CCDC91: variants seen among roughly 807,000 people sequenced by gnomAD.
The protein encoded by CCDC91 is coiled-coil domain-containing protein 91.
Under a neutral mutation model 63.2 loss-of-function variants are expected in CCDC91, and 48 were observed. The observed-to-expected ratio is 0.76, with a 90% CI of 0.60 to 0.97. The LOEUF is 0.97. CCDC91 is among the 50% of genes least tolerant of loss of function. The probability of loss-of-function intolerance (pLI) is 0.00; values close to 1 mark genes in which losing one functional copy is unlikely to be tolerated. For missense variants in CCDC91, 500 were observed against 494.6 expected (o/e 1.01, Z -0.10); for synonymous variants, 167 against 165.8 (o/e 1.01, Z -0.06).
At chr12:28,204,883 G>T (rs1436717327) in intron 1 of CCDC91, among the ~76,000 whole-genome samples, 1 of 152,080 alleles carries the variant, frequency 6.6e-6, no homozygotes, top group Non-Finnish European at 1.5e-5. Context: ...ATACTTATAC[G>T]CAATTATAGG....
chr12:28,502,749 A>G (rs1423704980), intron 12 of CCDC91, among the ~76,000 whole-genome samples: 7 of 151,250 alleles, frequency 4.6e-5, no homozygotes, highest in Non-Finnish European at 8.9e-5. Context: ...AGATCAATGG[A>G]ACAGAACAGA....
intron 12 of CCDC91, among the ~76,000 whole-genome samples, chr12:28,532,989 C>G (rs73087967): frequency 6.6e-6 from 1 of 151,988 alleles, no homozygotes; most frequent in Non-Finnish European, 1.5e-5. Flanking sequence ...TCAAAACTTA[C>G]GGGTTAGTAG....
At chr12:28,443,528 T>TAGA (rs1203397363) in intron 8 of CCDC91, among the ~76,000 whole-genome samples, 1 of 152,056 alleles carries the variant, frequency 6.6e-6, no homozygotes, top group Non-Finnish European at 1.5e-5. Flanking sequence ...TGAGAGCCTC[T>TAGA]AGAGGGTAAA....
chr12:28,502,536 C>G (rs1388556785), intron 12 of CCDC91, among the ~76,000 whole-genome samples: 10 of 149,546 alleles, frequency 6.7e-5, no homozygotes, highest in East Asian at 5.9e-4. Flanking sequence ...CAATGCCATC[C>G]CCATCAAGCT....
At chr12:28,207,082 G>A (rs9645745) in intron 1 of CCDC91, among the ~76,000 whole-genome samples, 39,702 of 152,126 alleles carry the variant, frequency 0.26, 5,447 homozygotes, top group Non-Finnish European at 0.31. Flanking sequence ...CTTCACAAAT[G>A]AAAGTATATC....
chr12:28,315,325 C>G (rs1167738186), intron 6 of CCDC91, among the ~76,000 whole-genome samples: 1 of 151,704 alleles, frequency 6.6e-6, no homozygotes, highest in Non-Finnish European at 1.5e-5. Flanking sequence ...ACCACCACAC[C>G]CGGCTAATTT....
chr12:28,401,588 T>C (rs1373920967), intron 8 of CCDC91, among the ~76,000 whole-genome samples: 1 of 152,138 alleles, frequency 6.6e-6, no homozygotes, highest in Non-Finnish European at 1.5e-5. Flanking sequence ...AAGCCTCTTA[T>C]AAAACCATCA....
intron 1 of CCDC91, among the ~76,000 whole-genome samples, chr12:28,228,413 G>T (rs1422241487): frequency 6.6e-6 from 1 of 151,980 alleles, no homozygotes; most frequent in Non-Finnish European, 1.5e-5. Flanking sequence ...AGGACATAAG[G>T]ACTTAATTTA....
rs2137534071 is a variant in CCDC91, at chr12:28,325,798, G to A, written c.576+18049G>A. 1.3e-5 allele frequency among the ~76,000 whole-genome samples: 2 copies of A among 151,966 alleles called. 1 individual carries two copies. The highest frequency in any genetic ancestry group is 4.2e-4 in the South Asian group (2 of 4,818). ...TGAAGTTATTTAATGATAGAGGTAG[G>A]GCAAGGGGGTGGGGAGGGCTTAATG... On this transcript the variant is annotated intron_variant, in intron 6 of 12. Coordinates refer to ENST00000536442, the MANE Select transcript of CCDC91 (RefSeq NM_018318.5).
chr12:28,356,393 C>T (rs1943529702), intron 6 of CCDC91, among the ~76,000 whole-genome samples: 1 of 152,076 alleles, frequency 6.6e-6, no homozygotes, highest in Non-Finnish European at 1.5e-5. Flanking sequence ...TTGCACTACT[C>T]TGGCATTTAT....
At chr12:28,254,172 G>T (rs879719055) in intron 1 of CCDC91, among the ~76,000 whole-genome samples, 5 of 152,172 alleles carry the variant, frequency 3.3e-5, no homozygotes, top group Non-Finnish European at 7.4e-5. Context: ...GGCAAAAAAA[G>T]AGATTAAATT....
At chr12:28,451,403 G>A (rs755505994) in intron 10 of CCDC91, among the ~76,000 whole-genome samples, 4 of 151,440 alleles carry the variant, frequency 2.6e-5, no homozygotes, top group Admixed American at 2.6e-4. Context: ...TATAGAAGGT[G>A]GACAAGTTGT....
chr12:28,398,634 A>G (rs2638950), intron 8 of CCDC91, among the ~76,000 whole-genome samples: 42,436 of 152,014 alleles, frequency 0.28, 6,391 homozygotes, highest in East Asian at 0.57. Flanking sequence ...CTCACTATCA[A>G]TGTATGAGAA....
At chr12:28,430,740 C>CT (rs1255874083) in intron 8 of CCDC91, among the ~76,000 whole-genome samples, 1 of 152,096 alleles carries the variant, frequency 6.6e-6, no homozygotes, top group African/African-American at 2.4e-5. Flanking sequence ...TTCTAGACAT[C>CT]TTTATGTCAT....
intron 1 of CCDC91, chr12:28,191,466 T>A (rs1941236568): frequency 6.6e-6 from 1 of 152,270 alleles, no homozygotes; most frequent in Non-Finnish European, 1.5e-5. Flanking sequence ...ATTCTGACTC[T>A]TTCCTTCCCT....
chr12:28,337,373 C>T (rs1213895529), intron 6 of CCDC91, among the ~76,000 whole-genome samples: 1 of 152,056 alleles, frequency 6.6e-6, no homozygotes, highest in Non-Finnish European at 1.5e-5. Flanking sequence ...AAAATAAATT[C>T]TTTATTAACA....
intron 3 of CCDC91, among the ~76,000 whole-genome samples, chr12:28,276,640 G>A (rs1236299558): frequency 1.3e-5 from 2 of 151,916 alleles, no homozygotes; most frequent in East Asian, 3.9e-4. Context: ...GTCTGAACCA[G>A]CCTTTCAAGG....
rs80157819 is a variant in CCDC91 at position 28,384,855 on chromosome 12, C to T, written c.655-6449C>T. ...GATGAATGATTCTGTAAAACGACTG[C>T]GATTCATCATTTTTACAAATGTACC... On this transcript the variant is annotated intron_variant, in intron 7 of 12. Transcript: ENST00000536442. Among the ~76,000 whole-genome samples, 476 of 151,980 alleles carry T rather than the reference C, an allele frequency of 3.1e-3. 2 individuals carry two copies. The highest frequency in any genetic ancestry group is 4.1e-3 in the Non-Finnish European group (276 of 67,936).
intron 12 of CCDC91, among the ~76,000 whole-genome samples, chr12:28,540,257 A>G (rs1188890127): frequency 5.9e-5 from 9 of 152,068 alleles, no homozygotes; most frequent in Admixed American, 5.9e-4. Flanking sequence ...AGGATTTTTT[A>G]TATGATGTAT....
Sources: gnomAD v4.1 joint callset for allele counts (sites outside exome capture counted in the v4.1 genomes callset) on GRCh38, gnomAD v4.1.1 for gene constraint, MANE v1.5 for transcripts, NCBI Gene and HGNC (gene_info 2026-07-23, HGNC 2026-07-21) for gene names.